Variants in PVT1 observed in about 807,000 individuals in gnomAD.
PVT1 encodes the protein CXCR4/PVT1 fusion.
chr8:127,880,285 C>T (rs1815450172), intron 2 of PVT1, among the ~76,000 whole-genome samples: 1 of 152,082 alleles, frequency 6.6e-6, no homozygotes, highest in Non-Finnish European at 1.5e-5. Context: ...CCCACTATTC[C>T]AGTCAACAAT....
intron 4 of PVT1, among the ~76,000 whole-genome samples, chr8:128,003,832 C>G (rs573113256): frequency 6.6e-6 from 1 of 152,298 alleles, no homozygotes; most frequent in African/African-American, 2.4e-5. Flanking sequence ...GCGTCTCTGT[C>G]TTTGTCTATT....
intron 2 of PVT1, among the ~76,000 whole-genome samples, chr8:127,877,231 C>G (rs1294784820): frequency 6.6e-6 from 1 of 152,198 alleles, no homozygotes; most frequent in Non-Finnish European, 1.5e-5. Flanking sequence ...AGGGGACTTG[C>G]AGTCTTATGG....
intron 3 of PVT1, among the ~76,000 whole-genome samples, chr8:127,930,736 T>C (rs1219037036): frequency 6.6e-6 from 1 of 152,110 alleles, no homozygotes; most frequent in Non-Finnish European, 1.5e-5. Flanking sequence ...GGTCTGTCTG[T>C]GTAGAGCAGT....
At position 128,055,082 on chromosome 8, in the gene PVT1, C is replaced by T. The variant is rs552135857; in HGVS notation, n.913-15078C>T. ...TGGATCTCCATCTTGCCAACCTGCC[C>T]TGTAGAATTTAGACTTAACAGTCCT... is the stretch of plus-strand genomic sequence containing the variant. On this transcript the variant is annotated intron_variant and non_coding_transcript_variant, in intron 4 of 10. Coordinates refer to ENST00000651587, the Ensembl canonical transcript of PVT1. 3.8e-3 allele frequency among the ~76,000 whole-genome samples: 586 copies of T among 152,268 alleles called. 1 individual carries two copies. Among genetic ancestry groups the T allele is most frequent in the African/African-American group, 0.013 (526 of 41,550 alleles).
chr8:128,033,896 G>A (rs1430411286), intron 4 of PVT1, among the ~76,000 whole-genome samples: 2 of 152,048 alleles, frequency 1.3e-5, no homozygotes, highest in African/African-American at 4.8e-5. Flanking sequence ...CCTGCCTGAG[G>A]CCCCTCTCCA....
intron 3 of PVT1, among the ~76,000 whole-genome samples, chr8:127,897,870 GGAAAGAAAGAAA>G (rs139029855): frequency 0.12 from 16,408 of 132,098 alleles, 3,329 homozygotes; most frequent in African/African-American, 0.43. Context: ...AAGGAAGAAA[GGAAAGAAAGAAA>G]GAAAGAAAGA....
At chr8:127,929,199 G>GTTTTTTT (rs34027484) in intron 3 of PVT1, among the ~76,000 whole-genome samples, 1 of 138,132 alleles carries the variant, frequency 7.2e-6, no homozygotes, top group Non-Finnish European at 1.6e-5. Flanking sequence ...TCATTTTTCT[G>GTTTTTTT]TTTTTTTTTT....
At chr8:127,873,731 T>C (rs1815376555) in intron 2 of PVT1, among the ~76,000 whole-genome samples, 1 of 152,216 alleles carries the variant, frequency 6.6e-6, no homozygotes, top group South Asian at 2.1e-4. Context: ...GAGCCTGGGC[T>C]TCCCAGAGGA....
chr8:127,802,200 C>G (rs1443260818), intron 2 of PVT1, among the ~76,000 whole-genome samples: 1 of 152,136 alleles, frequency 6.6e-6, no homozygotes, highest in Non-Finnish European at 1.5e-5. Context: ...CAGGTGTGAG[C>G]CACTGCACCA....
intron 2 of PVT1, among the ~76,000 whole-genome samples, chr8:127,887,281 A>G (rs1297841729): frequency 1.3e-5 from 2 of 152,212 alleles, no homozygotes; most frequent in Non-Finnish European, 2.9e-5. Context: ...GCCTACTCTC[A>G]GACTAAAATT....
intron 3 of PVT1, among the ~76,000 whole-genome samples, chr8:127,903,623 T>C (rs916282345): frequency 1.4e-4 from 21 of 152,222 alleles, no homozygotes; most frequent in African/African-American, 4.6e-4. Flanking sequence ...AGGGATTCTG[T>C]TTCATTTTCT....
chr8:128,050,945 A>G (rs758202704), intron 4 of PVT1, among the ~76,000 whole-genome samples: 8 of 152,170 alleles, frequency 5.3e-5, no homozygotes, highest in Non-Finnish European at 2.9e-5. Flanking sequence ...CTCATGTATG[A>G]CAGCAAGAGT....
intron 3 of PVT1, among the ~76,000 whole-genome samples, chr8:127,934,513 A>T (rs535877106): frequency 6.6e-6 from 1 of 152,178 alleles, no homozygotes; most frequent in African/African-American, 2.4e-5. Flanking sequence ...TTTGCCAAAG[A>T]TAGAGGGGAA....
rs117540565 is a variant in PVT1 at position 127,814,868 on chromosome 8, A to G, written n.372+18797A>G. ...CCTCCCCTCATCCCCTGGTATCCAC[A>G]GTTTCTATGAATCTAACTACCCTAA... On this transcript the variant is annotated intron_variant and non_coding_transcript_variant, in intron 2 of 10. Coordinates refer to ENST00000651587, the Ensembl canonical transcript of PVT1. Among the ~76,000 whole-genome samples the G allele has an allele frequency of 5.3e-5, 8 of 152,282 alleles. No homozygotes were observed. In the East Asian group the frequency reaches 1.5e-3, roughly 29 times the overall value.
At chr8:127,827,231 G>A (rs371414834) in intron 2 of PVT1, among the ~76,000 whole-genome samples, 1 of 152,104 alleles carries the variant, frequency 6.6e-6, no homozygotes, top group East Asian at 1.9e-4. Flanking sequence ...CCGACCTCAG[G>A]TGATCTGCCT....
At chr8:127,814,701 C>T (rs1465843658) in intron 2 of PVT1, among the ~76,000 whole-genome samples, 17 of 152,098 alleles carry the variant, frequency 1.1e-4, no homozygotes, top group Admixed American at 9.8e-4. Context: ...CCATTGTAAC[C>T]ATTTCTAACT....
At chr8:127,899,648 T>G (rs1314881939) in intron 3 of PVT1, among the ~76,000 whole-genome samples, 1 of 152,094 alleles carries the variant, frequency 6.6e-6, no homozygotes, top group Non-Finnish European at 1.5e-5. Flanking sequence ...GCCTGACTTT[T>G]GATTATTTGG....
At chr8:128,093,688 A>G (rs1814389707) in intron 5 of PVT1, among the ~76,000 whole-genome samples, 1 of 151,640 alleles carries the variant, frequency 6.6e-6, no homozygotes, top group Admixed American at 6.6e-5. Context: ...CCCAGGCTGG[A>G]GCGCTACAGC....
intron 2 of PVT1, among the ~76,000 whole-genome samples, chr8:127,882,327 G>A (rs1051784114): frequency 2.0e-4 from 31 of 152,210 alleles, no homozygotes; most frequent in African/African-American, 7.5e-4. Flanking sequence ...GCTTTCTCTG[G>A]GAACAGATCT....
Sources: allele counts gnomAD v4.1 joint callset (sites outside exome capture counted in the v4.1 genomes callset), GRCh38; gene constraint gnomAD v4.1.1; transcripts MANE v1.5; gene names NCBI Gene and HGNC (gene_info 2026-07-23, HGNC 2026-07-21).